LAD1: variants seen among roughly 807,000 people sequenced by gnomAD.
LAD1 encodes ladinin 1, also known as ladinin-1.
In LAD1, 53 loss-of-function variants were observed where a neutral mutation model predicts 54.2. The observed-to-expected ratio is 0.98, with a 90% confidence interval of 0.78 to 1.23. The LOEUF is 1.23. Ranked by LOEUF, LAD1 falls within the 50% of genes most tolerant of loss-of-function variation. The pLI, the probability that LAD1 is intolerant of heterozygous loss-of-function variation, is 0.00. For missense variants in LAD1, 637 were observed against 653.3 expected (o/e 0.98, Z 0.27); for synonymous variants, 231 against 257.7 (o/e 0.90, Z 0.99).
chr1:201,386,841 G>A lies in LAD1; in HGVS notation c.520C>T (p.Pro174Ser). The part of the protein sequence containing the change: ...REPEERKKGV[P>S]EKSPVLEKSS... The stretch of plus-strand genomic sequence containing the variant: ...TTCTCCAAGACTGGGGACTTTTCTG[G>A]AACCCCTTTCTTCCTCTCTTCTGGC... The change falls in exon 3 of 10, where the codon CCA (proline) becomes TCA (serine). Residue 174 changes from proline to serine, a missense_variant. Pro to Ser is a moderately conservative substitution (Grantham distance 74, BLOSUM62 -1). Coordinates refer to ENST00000391967, the MANE Select transcript of LAD1 (RefSeq NM_005558.4). The A allele has an allele frequency of 6.2e-7, 1 of 1,613,622 alleles. No individual in the cohort carries two copies. The highest frequency in any genetic ancestry group is 8.5e-7 in the Non-Finnish European group (1 of 1,179,980).
chr1:201,389,099 G>T lies in LAD1; in HGVS notation c.182+61C>A, dbSNP rs1011274095. 21 of 1,568,838 alleles carry T rather than the reference G, an allele frequency of 1.3e-5. No homozygotes were observed. The African/African-American group carries it at 2.7e-4, about 20-fold the overall frequency. On this transcript the variant is annotated intron_variant, in intron 2 of 9. Coordinates refer to ENST00000391967, the MANE Select transcript of LAD1 (RefSeq NM_005558.4). ...ACTCCCTGAGCAGACTGAATATGCT[G>T]CACTTAGTCTGAGGCAACCAGTCCA... is the stretch of plus-strand genomic sequence containing the variant.
chr1:201,382,958 G>T, intron 7 of LAD1, 116 bp downstream of exon 7: 2 of 1,286,802 alleles, frequency 1.6e-6, no homozygotes, highest in Non-Finnish European at 2.2e-6. Flanking sequence ...TGGAGGTTCT[G>T]CCAACATTAA....
chr1:201,397,774 C>T (rs1662323848), intron 1 of LAD1, among the ~76,000 whole-genome samples: 1 of 150,924 alleles, frequency 6.6e-6, no homozygotes, highest in African/African-American at 2.4e-5. Flanking sequence ...TGTGTCATCT[C>T]TTCATAGGCC....
intron 1 of LAD1, chr1:201,391,035 C>A (rs1350619203): frequency 2.2e-6 from 1 of 449,880 alleles, no homozygotes; most frequent in South Asian, 1.6e-5. Context: ...CATGGAATTT[C>A]TTAGCTTTTG....
At chr1:201,395,672 C>T (rs1172064213) in intron 1 of LAD1, among the ~76,000 whole-genome samples, 1 of 152,126 alleles carries the variant, frequency 6.6e-6, no homozygotes, top group Non-Finnish European at 1.5e-5. Context: ...GCATGAGAAT[C>T]ACTTAGAACC....
At chr1:201,383,283 C>T in intron 6 of LAD1, 34 bp downstream of exon 6, 3 of 1,613,996 alleles carry the variant, frequency 1.9e-6, no homozygotes, top group Non-Finnish European at 2.5e-6. Flanking sequence ...ACTCATCCTG[C>T]ACCCTCCGCC....
rs1305243000 is a variant in LAD1 at position 201,383,059 on chromosome 1, G to A, written c.1386+15C>T. On this transcript the variant is annotated intron_variant, in intron 7 of 9. Coordinates refer to ENST00000391967, the MANE Select transcript of LAD1 (RefSeq NM_005558.4). ...CTAATCACCCTAAGGACCCTGTGGGGCCTGAGCCCCTCACCTTCCGGCTGG... is the reference window on the plus strand; with the variant it reads ...CTAATCACCCTAAGGACCCTGTGGGACCTGAGCCCCTCACCTTCCGGCTGG... 2 of 1,609,392 alleles carry A rather than the reference G, an allele frequency of 1.2e-6. No individual in the cohort carries two copies. The highest frequency in any genetic ancestry group is 1.7e-6 in the Non-Finnish European group (2 of 1,176,832).
intron 1 of LAD1, among the ~76,000 whole-genome samples, chr1:201,391,894 G>T (rs1460387014): frequency 6.6e-6 from 1 of 152,218 alleles, no homozygotes; most frequent in Admixed American, 6.5e-5. Context: ...GGTTCCCCCT[G>T]CATTGTCTGC....
intron 1 of LAD1, among the ~76,000 whole-genome samples, chr1:201,398,132 G>A (rs1662333265): frequency 6.6e-6 from 1 of 152,152 alleles, no homozygotes; most frequent in East Asian, 1.9e-4. Context: ...GAGCTGCTAT[G>A]GAGAGGCTAA....
intron 1 of LAD1, among the ~76,000 whole-genome samples, chr1:201,399,000 G>T (rs1454520858): frequency 1.3e-5 from 2 of 152,204 alleles, no homozygotes; most frequent in African/African-American, 4.8e-5. Context: ...CCACAGGGGG[G>T]GCCATATCCC....
intron 1 of LAD1, among the ~76,000 whole-genome samples, chr1:201,397,908 C>T (rs183060859): frequency 7.6e-4 from 116 of 152,282 alleles, no homozygotes; most frequent in African/African-American, 2.7e-3. Context: ...GCACACTGAC[C>T]CACATGCAAA....
At chr1:201,389,533 C>T (rs1662161345) in intron 1 of LAD1, among the ~76,000 whole-genome samples, 1 of 152,172 alleles carries the variant, frequency 6.6e-6, no homozygotes, top group Admixed American at 6.5e-5. Flanking sequence ...TGTACATCGG[C>T]CAGGCGCGGT....
At position 201,384,736 on chromosome 1, in the gene LAD1, A is replaced by G. The variant is rs746484787; in HGVS notation, c.1175+56T>C. On this transcript the variant is annotated intron_variant, in intron 5 of 9. Coordinates refer to ENST00000391967, the MANE Select transcript of LAD1 (RefSeq NM_005558.4). ...ACAAGGAGGGCGGGTGCAGGTACTC[A>G]GAAAATAGCCTGAACATGGCCAAAT... The G allele has an allele frequency of 1.6e-5, 25 of 1,585,306 alleles. No homozygotes were observed. The African/African-American group carries it at 3.1e-4, about 20-fold the overall frequency.
At chr1:201,393,035 T>C (rs1237753578) in intron 1 of LAD1, among the ~76,000 whole-genome samples, 9 of 152,084 alleles carry the variant, frequency 5.9e-5, no homozygotes, top group Non-Finnish European at 1.3e-4. Flanking sequence ...CTGCTAGATT[T>C]TGGGCCCAAG....
chr1:201,390,950 C>A (rs1371840055), intron 1 of LAD1: 2 of 363,804 alleles, frequency 5.5e-6, no homozygotes, highest in South Asian at 2.1e-5. Flanking sequence ...AAGTGCCTTT[C>A]TCTTTTTGGT....
At chr1:201,389,032 A>G (rs1284964401) in intron 2 of LAD1, 128 bp downstream of exon 2, 4 of 1,119,490 alleles carry the variant, frequency 3.6e-6, no homozygotes, top group Non-Finnish European at 5.2e-6. Flanking sequence ...GGGGAACTGG[A>G]AATTCATCAT....
intron 4 of LAD1, 62 bp from the exon 5 acceptor site, chr1:201,384,897 A>G (rs1189081949): frequency 1.3e-5 from 20 of 1,522,360 alleles, no homozygotes; most frequent in Non-Finnish European, 1.7e-5. Flanking sequence ...GGCCCCCTCG[A>G]GTGAGGAGCC....
intron 3 of LAD1, among the ~76,000 whole-genome samples, 181 bp from the exon 4 acceptor site, chr1:201,385,986 C>A (rs1021193586): frequency 2.6e-5 from 4 of 152,200 alleles, no homozygotes; most frequent in Non-Finnish European, 5.9e-5. Context: ...TCCCTTGGGG[C>A]CAGGGCACCA....
In LAD1 at chr1:201,398,479, A is replaced by G. The variant is rs551937192; in HGVS notation, c.38+790T>C. Among the ~76,000 whole-genome samples, 14 of 152,244 alleles carry G rather than the reference A, an allele frequency of 9.2e-5. No homozygotes were observed. The South Asian group carries it at 2.9e-3, about 32-fold the overall frequency. ...CGCCCAGTGGAGGAATGAGGTGAAA[A>G]TGCTCACAGGGGGCCTTCTTGGCAG... is the stretch of plus-strand genomic sequence containing the variant. On this transcript the variant is annotated intron_variant, in intron 1 of 9. Transcript: ENST00000391967.
Sources: gnomAD v4.1 joint callset for allele counts (sites outside exome capture counted in the v4.1 genomes callset) on GRCh38, gnomAD v4.1.1 for gene constraint, MANE v1.5 for transcripts, NCBI Gene and HGNC (gene_info 2026-07-23, HGNC 2026-07-21) for gene names.